The following PRKD1 variants were observed in gnomAD, a reference collection of about 807,000 sequenced individuals.
PRKD1 encodes the protein serine/threonine-protein kinase D1.
PRKD1 carries 63 observed loss-of-function variants against 95.9 expected under a neutral mutation model. The observed-to-expected ratio is 0.66, with a 90% CI of 0.54 to 0.81. The LOEUF is 0.81. Among genes scored for constraint, PRKD1 ranks in the 30% least tolerant of loss-of-function variants. The pLI is 0.00. For synonymous variants in PRKD1, 425 were observed against 423.1 expected (o/e 1.00, Z -0.05); for missense variants, 1,048 against 1,165.3 (o/e 0.90, Z 1.47).
At chr14:29,784,844 C>T (rs1457212947) in intron 1 of PRKD1, among the ~76,000 whole-genome samples, 2 of 152,198 alleles carry the variant, frequency 1.3e-5, no homozygotes, top group Admixed American at 1.3e-4. Context: ...TGATTTACAA[C>T]CCAGGCCACT....
chr14:29,658,561 T>C (rs573574783), intron 4 of PRKD1, among the ~76,000 whole-genome samples: 1 of 152,280 alleles, frequency 6.6e-6, no homozygotes, highest in African/African-American at 2.4e-5. Flanking sequence ...AGCTCTATCT[T>C]TTCATCCTGT....
chr14:29,846,760 G>A (rs569099518), intron 1 of PRKD1, among the ~76,000 whole-genome samples: 1 of 152,212 alleles, frequency 6.6e-6, no homozygotes, highest in African/African-American at 2.4e-5. Flanking sequence ...TGGCAGGTGA[G>A]AGTGACAGTG....
intron 4 of PRKD1, among the ~76,000 whole-genome samples, chr14:29,649,001 T>A (rs1311672295): frequency 2.0e-5 from 3 of 152,178 alleles, no homozygotes; most frequent in African/African-American, 7.2e-5. Flanking sequence ...AGATTTTTTT[T>A]ATATTGATTG....
intron 1 of PRKD1, among the ~76,000 whole-genome samples, chr14:29,875,225 A>G (rs1316854527): frequency 6.6e-6 from 1 of 152,124 alleles, no homozygotes; most frequent in Non-Finnish European, 1.5e-5. Flanking sequence ...CCTTTCCCAG[A>G]GATAGATAAA....
chr14:29,733,112 T>TA (rs1239017345), intron 1 of PRKD1, among the ~76,000 whole-genome samples: 1 of 148,118 alleles, frequency 6.8e-6, no homozygotes, highest in South Asian at 2.1e-4. Flanking sequence ...TTATTTATTT[T>TA]TTTTTTTTGA....
At chr14:29,924,890 A>T (rs1419523149) in intron 1 of PRKD1, among the ~76,000 whole-genome samples, 6 of 152,086 alleles carry the variant, frequency 3.9e-5, no homozygotes, top group African/African-American at 1.4e-4. Flanking sequence ...AGCTCTCTTA[A>T]TTTTGTTTCT....
chr14:29,704,400 CTCTT>C (rs1346206579), intron 2 of PRKD1, among the ~76,000 whole-genome samples: 1 of 152,152 alleles, frequency 6.6e-6, no homozygotes, highest in Non-Finnish European at 1.5e-5. Flanking sequence ...TCCGACTAAT[CTCTT>C]TATCATTCTT....
chr14:29,896,072 C>A (rs1894114499), intron 1 of PRKD1, among the ~76,000 whole-genome samples: 1 of 152,230 alleles, frequency 6.6e-6, no homozygotes, highest in East Asian at 1.9e-4. Context: ...ATCTACTTTA[C>A]AATAGGAGCG....
At chr14:29,831,723 G>C (rs1891421731) in intron 1 of PRKD1, among the ~76,000 whole-genome samples, 2 of 151,762 alleles carry the variant, frequency 1.3e-5, no homozygotes, top group Non-Finnish European at 2.9e-5. Flanking sequence ...ACTCTCTTTT[G>C]TTCTCCTGTT....
intron 1 of PRKD1, among the ~76,000 whole-genome samples, chr14:29,758,085 C>T (rs1338662818): frequency 2.0e-5 from 3 of 151,860 alleles, no homozygotes; most frequent in African/African-American, 7.3e-5. Flanking sequence ...TCTGATTGCA[C>T]TGCATGGAAG....
chr14:29,878,341 C>CAAAAAA (rs58074850), intron 1 of PRKD1, among the ~76,000 whole-genome samples: 9 of 49,826 alleles, frequency 1.8e-4, no homozygotes, highest in Non-Finnish European at 2.9e-4. Context: ...GTTCTAATGA[C>CAAAAAA]AAAAAAAAAA....
chr14:29,911,104 G>T (rs774065827), intron 1 of PRKD1, among the ~76,000 whole-genome samples: 1 of 151,896 alleles, frequency 6.6e-6, no homozygotes, highest in African/African-American at 2.4e-5. Context: ...GTGTGGTATC[G>T]GAATATTGAA....
At chr14:29,889,392 G>A (rs1310196566) in intron 1 of PRKD1, among the ~76,000 whole-genome samples, 1 of 152,160 alleles carries the variant, frequency 6.6e-6, no homozygotes, top group Non-Finnish European at 1.5e-5. Flanking sequence ...AGTAGGTGCA[G>A]CCCATGGAGG....
chr14:29,583,668 G>A (rs538290470), intron 16 of PRKD1, among the ~76,000 whole-genome samples: 8 of 150,758 alleles, frequency 5.3e-5, no homozygotes, highest in East Asian at 4.0e-4. Flanking sequence ...AGCCACAACC[G>A]GGCATGTGGG....
chr14:29,718,213 G>A (rs189411682), intron 2 of PRKD1, among the ~76,000 whole-genome samples: 12 of 152,148 alleles, frequency 7.9e-5, no homozygotes, highest in Admixed American at 5.9e-4. Flanking sequence ...TCGAGGCAGG[G>A]AAGTGGTTAA....
chr14:29,604,318 C>T (rs1449139675), intron 13 of PRKD1, among the ~76,000 whole-genome samples: 1 of 152,056 alleles, frequency 6.6e-6, no homozygotes, highest in Non-Finnish European at 1.5e-5. Context: ...TCTACTCAAA[C>T]ATATGAGAGG....
intron 16 of PRKD1, among the ~76,000 whole-genome samples, chr14:29,587,857 CTTAAG>C (rs1892990260): frequency 6.6e-6 from 1 of 152,074 alleles, no homozygotes. Context: ...ATTCCAGAAT[CTTAAG>C]TTGAGATTGT....
chr14:29,743,395 T>C (rs1282866880), intron 1 of PRKD1, among the ~76,000 whole-genome samples: 1 of 152,030 alleles, frequency 6.6e-6, no homozygotes, highest in Non-Finnish European at 1.5e-5. Flanking sequence ...AACATTTGAA[T>C]TAAACATGGT....
At chr14:29,715,472 T>C (rs117357005) in intron 2 of PRKD1, among the ~76,000 whole-genome samples, 1 of 152,140 alleles carries the variant, frequency 6.6e-6, no homozygotes, top group Non-Finnish European at 1.5e-5. Flanking sequence ...GCTACCACAA[T>C]GAACTGTGCA....
Sources: allele counts gnomAD v4.1 joint callset (sites outside exome capture counted in the v4.1 genomes callset), GRCh38; gene constraint gnomAD v4.1.1; transcripts MANE v1.5; gene names NCBI Gene and HGNC (gene_info 2026-07-23, HGNC 2026-07-21).